The following XPOT variants were observed in gnomAD, a reference collection of about 807,000 sequenced individuals.
XPOT encodes exportin for tRNA, also known as exportin-T.
In XPOT, 34 loss-of-function variants were observed where a neutral mutation model predicts 128.2. The ratio of observed to expected loss-of-function variants is 0.27; its 90% confidence interval spans 0.20 to 0.35. XPOT has a LOEUF of 0.35. XPOT is among the 10% of genes least tolerant of loss of function. XPOT has a pLI of 1.00. For missense variants in XPOT, 838 were observed against 1,125.3 expected (o/e 0.74, Z 3.65); for synonymous variants, 348 against 394.3 (o/e 0.88, Z 1.39).
chr12:64,431,451 G>A lies in XPOT; in HGVS notation c.1977-87G>A, dbSNP rs960252340. 1.1e-5 allele frequency: 15 copies of A among 1,349,174 alleles called. No individual in the cohort carries two copies. The Middle Eastern group carries it at 5.8e-4, about 52-fold the overall frequency. 83.6% of individuals were successfully genotyped at this position (1,349,174 alleles called of 1,614,324 possible). Reference sequence around the variant, plus strand: ...CTGGTTATTTAGTTTTGTTAATTTTGTAATTTGTTGTGCATTGCTTTTGAA... The same window carrying A: ...CTGGTTATTTAGTTTTGTTAATTTTATAATTTGTTGTGCATTGCTTTTGAA... On this transcript the variant is annotated intron_variant, in intron 17 of 24. Coordinates refer to ENST00000332707, the MANE Select transcript of XPOT (RefSeq NM_007235.6).
At chr12:64,434,676 CTT>C (rs1485501121) in intron 20 of XPOT, 53 bp downstream of exon 20, 1 of 1,565,438 alleles carries the variant, frequency 6.4e-7, no homozygotes, top group African/African-American at 1.4e-5. Context: ...TCATAAAACT[CTT>C]AGACATAATG....
At chr12:64,424,038 C>G (rs2040167846) in intron 11 of XPOT, among the ~76,000 whole-genome samples, 1 of 152,076 alleles carries the variant, frequency 6.6e-6, no homozygotes, top group South Asian at 2.1e-4. Flanking sequence ...TTGTATTCCC[C>G]CACCTCAGAC....
In XPOT at chr12:64,448,104, G is replaced by A; in HGVS notation, c.2863-1G>A. 1 of 1,613,638 alleles carries A rather than the reference G, an allele frequency of 6.2e-7. No homozygotes were observed. The highest frequency in any genetic ancestry group is 8.5e-7 in the Non-Finnish European group (1 of 1,179,618). ...TGATTGCATTAATACTTTATTTACA[G>A]GTGTTCTTCCAGAGAGCAAAGCCCT... On this transcript the variant is annotated splice_acceptor_variant, in intron 24 of 24. Coordinates refer to ENST00000332707, the MANE Select transcript of XPOT (RefSeq NM_007235.6). LOFTEE classifies it high-confidence loss of function.
At position 64,439,644 on chromosome 12, in the gene XPOT, A is replaced by G. The variant is rs2040309495; in HGVS notation, c.2805+329A>G. Among the ~76,000 whole-genome samples, 4 of 152,204 alleles carry G rather than the reference A, an allele frequency of 2.6e-5. No homozygotes were observed. The South Asian group carries it at 8.3e-4, about 31-fold the overall frequency. ...TAAAAAAACATTCTAAAGGAGCCTA[A>G]TAGGCTTTTCCAGACTGCTGAAGGG... On this transcript the variant is annotated intron_variant, in intron 23 of 24. Transcript: ENST00000332707.
At chr12:64,417,776 CACAAA>C (rs2040101701) in intron 4 of XPOT, among the ~76,000 whole-genome samples, 5 of 152,166 alleles carry the variant, frequency 3.3e-5, no homozygotes. Flanking sequence ...GATCACAGAC[CACAAA>C]ACATTTTCAT....
intron 14 of XPOT, 89 bp from the exon 15 acceptor site, chr12:64,425,725 TA>T (rs2040186727): frequency 7.7e-7 from 1 of 1,297,770 alleles, no homozygotes; most frequent in Admixed American, 1.8e-5. Context: ...AGCTAAGAAG[TA>T]AAATTTGGTG....
intron 2 of XPOT, among the ~76,000 whole-genome samples, chr12:64,412,272 G>A (rs569175071): frequency 4.7e-4 from 72 of 152,100 alleles, no homozygotes; most frequent in Middle Eastern, 6.8e-3. Context: ...TGATCTCCCT[G>A]CCTCAGCCTC....
chr12:64,405,743 C>G (rs1005529427), intron 1 of XPOT, among the ~76,000 whole-genome samples: 6 of 152,018 alleles, frequency 3.9e-5, no homozygotes, highest in East Asian at 2.0e-4. Context: ...CTCAGCCTCC[C>G]GAGTAGCTCT....
chr12:64,404,733 GCCGCGCCGCT>G lies in XPOT; in HGVS notation c.-141_-132del, dbSNP rs1166128022. On this transcript the variant is annotated 5_prime_UTR_variant, in exon 1 of 25. Coordinates refer to ENST00000332707, the MANE Select transcript of XPOT (RefSeq NM_007235.6). Reference sequence around the variant, plus strand: ...GGGCCGCTCTCCCAGCTCTCTGCGTGCCGCGCCGCTCCGCTCCGCTGGCTGACCATCTGGA... The same window carrying G: ...GGGCCGCTCTCCCAGCTCTCTGCGTGCCGCTCCGCTGGCTGACCATCTGGA... 6.6e-6 allele frequency: 1 copy of G among 152,466 alleles called. No individual in the cohort carries two copies. The highest frequency in any genetic ancestry group is 2.4e-5 in the African/African-American group (1 of 41,472). The allele number at this position is 152,466 out of a possible 1,614,324, so 9.4% of individuals were successfully genotyped here. A position where few individuals can be genotyped will look rare whatever the true frequency, so the allele number is the denominator to read the frequency against.
intron 2 of XPOT, among the ~76,000 whole-genome samples, chr12:64,414,209 C>T (rs1386522866): frequency 6.6e-6 from 1 of 152,190 alleles, no homozygotes; most frequent in African/African-American, 2.4e-5. Context: ...GGACTTGGTG[C>T]TGCATCCATT....
chr12:64,444,055 T>A (rs957443164), intron 23 of XPOT, among the ~76,000 whole-genome samples: 4 of 152,254 alleles, frequency 2.6e-5, no homozygotes, highest in Non-Finnish European at 5.9e-5. Context: ...AAATTATTTT[T>A]CTATTTAGTA....
chr12:64,429,150 A>C (rs1205965015), intron 16 of XPOT, among the ~76,000 whole-genome samples: 2 of 152,244 alleles, frequency 1.3e-5, no homozygotes, highest in African/African-American at 4.8e-5. Flanking sequence ...GTGTTTACAC[A>C]CACAGTTAAT....
rs36063420 is a variant in XPOT, at chr12:64,449,194, C to CA, written c.*1078dup. The CA allele has an allele frequency of 0.73, 101,966 of 139,840 alleles. 37,736 individuals carry two copies. The highest frequency in any genetic ancestry group is 0.87 in the Middle Eastern group (234 of 270). 8.7% of individuals were successfully genotyped at this position (139,840 alleles called of 1,614,324 possible). The stretch of plus-strand genomic sequence containing the variant: ...TGGGCAAGAGAGTAAGACTCTCTCT[C>CA]AAAAAAAAAAAAAAAGAATTTAAAA... On this transcript the variant is annotated 3_prime_UTR_variant, in exon 25 of 25. Coordinates refer to ENST00000332707, the MANE Select transcript of XPOT (RefSeq NM_007235.6).
intron 19 of XPOT, among the ~76,000 whole-genome samples, chr12:64,434,144 G>A (rs1426100002): frequency 6.6e-6 from 1 of 152,150 alleles, no homozygotes; most frequent in African/African-American, 2.4e-5. Flanking sequence ...TGAGTAGCCA[G>A]GACCATTGGC....
At chr12:64,416,339 A>C (rs972413410) in intron 3 of XPOT, among the ~76,000 whole-genome samples, 1 of 152,146 alleles carries the variant, frequency 6.6e-6, no homozygotes, top group African/African-American at 2.4e-5. Flanking sequence ...TGCCATTTGT[A>C]ATTTTACACC....
In XPOT at chr12:64,421,118, A is replaced by G. The variant is rs1203218969; in HGVS notation, c.844-117A>G. 6.1e-6 allele frequency: 5 copies of G among 819,968 alleles called. No homozygotes were observed. In the East Asian group the frequency reaches 9.7e-5, roughly 16 times the overall value. 50.8% of individuals were successfully genotyped at this position (819,968 alleles called of 1,614,324 possible). On this transcript the variant is annotated intron_variant, in intron 8 of 24. Transcript: ENST00000332707. ...TGCCCAGCCTGGAATTGTTAAATAT[A>G]TGACGTCATTTTAAAATTGAATCCT...
intron 9 of XPOT, among the ~76,000 whole-genome samples, chr12:64,422,568 C>T (rs1359472190): frequency 1.3e-5 from 2 of 152,072 alleles, no homozygotes; most frequent in African/African-American, 4.8e-5. Context: ...TGCTAAACTG[C>T]CCTCCAAAAA....
intron 18 of XPOT, among the ~76,000 whole-genome samples, chr12:64,432,731 C>A (rs2040249869): frequency 6.6e-6 from 1 of 152,142 alleles, no homozygotes; most frequent in African/African-American, 2.4e-5. Context: ...GTATTGAGAA[C>A]ATGCTATTAA....
intron 5 of XPOT, 122 bp downstream of exon 5, chr12:64,418,237 T>G: frequency 4.1e-6 from 3 of 731,428 alleles, no homozygotes; most frequent in Non-Finnish European, 6.6e-6. Flanking sequence ...TTCATAGCTT[T>G]TTTAAAAGGT....
Sources: allele counts gnomAD v4.1 joint callset (sites outside exome capture counted in the v4.1 genomes callset), GRCh38; gene constraint gnomAD v4.1.1; transcripts MANE v1.5; gene names NCBI Gene and HGNC (gene_info 2026-07-23, HGNC 2026-07-21).